The following CDC42SE2 variants were observed in gnomAD, a reference collection of about 807,000 sequenced individuals.
CDC42SE2 encodes CDC42 small effector 2.
CDC42SE2 carries 3 observed loss-of-function variants against 11.5 expected under a neutral mutation model. The observed-to-expected ratio is 0.26, with a 90% CI of 0.12 to 0.67. CDC42SE2 has a LOEUF of 0.67. Ranked by LOEUF, CDC42SE2 falls within the 30% of genes least tolerant of loss-of-function variation. The probability of loss-of-function intolerance (pLI) is 0.80; values close to 1 mark genes in which losing one functional copy is unlikely to be tolerated. For missense variants in CDC42SE2, 82 were observed against 106.8 expected, an observed-to-expected ratio of 0.77 and a Z score of 1.02; for synonymous variants, 33 against 34.8, an observed-to-expected ratio of 0.95 and a Z score of 0.18.
chr5:131,319,219 T>C (rs1580751515), intron 2 of CDC42SE2, among the ~76,000 whole-genome samples: 1 of 152,036 alleles, frequency 6.6e-6, no homozygotes, highest in Non-Finnish European at 1.5e-5. Flanking sequence ...ATATGACTTT[T>C]CCCCCCACCC....
At chr5:131,297,140 AT>A (rs1472873977) in intron 1 of CDC42SE2, among the ~76,000 whole-genome samples, 3 of 146,108 alleles carry the variant, frequency 2.1e-5, no homozygotes, top group Non-Finnish European at 4.5e-5. Context: ...ATGACTTCAG[AT>A]TAAATACTTT....
At chr5:131,318,927 A>T (rs1440303240) in intron 2 of CDC42SE2, among the ~76,000 whole-genome samples, 7 of 152,050 alleles carry the variant, frequency 4.6e-5, no homozygotes, top group Non-Finnish European at 1.0e-4. Context: ...TTTGAGACAG[A>T]GTCTCACTCT....
At chr5:131,237,322 T>C in the CDC42SE2 span, among the ~76,000 whole-genome samples, 2 of 152,238 alleles carry the variant, frequency 1.3e-5, no homozygotes, top group East Asian at 3.8e-4. Context: ...AATTCTATGC[T>C]GATGTTTGTT....
intron 1 of CDC42SE2, among the ~76,000 whole-genome samples, chr5:131,307,911 GTTGT>G (rs1316338881): frequency 1.3e-4 from 20 of 152,142 alleles, no homozygotes; most frequent in African/African-American, 4.3e-4. Flanking sequence ...TTTTGATGGG[GTTGT>G]TTGTTTTTTG....
intron 2 of CDC42SE2, among the ~76,000 whole-genome samples, chr5:131,323,226 A>G (rs1580753860): frequency 2.0e-5 from 3 of 149,144 alleles, no homozygotes; most frequent in East Asian, 3.9e-4. Context: ...GTGTCTCTCT[A>G]TGTTGCCCAG....
At chr5:131,287,713 A>G (rs1204772635) in intron 1 of CDC42SE2, among the ~76,000 whole-genome samples, 1 of 151,784 alleles carries the variant, frequency 6.6e-6, no homozygotes. Context: ...GGTTCCAGTG[A>G]TCCGCCCTCT....
rs1032211905 is a variant in CDC42SE2, at chr5:131,392,774, T to C, written c.*1683T>C. 5.9e-5 allele frequency: 9 copies of C among 152,350 alleles called. No homozygotes were observed. Among genetic ancestry groups the C allele is most frequent in the Non-Finnish European group, 1.2e-4 (8 of 68,044 alleles). 9.4% of individuals were successfully genotyped at this position (152,350 alleles called of 1,614,324 possible). On this transcript the variant is annotated 3_prime_UTR_variant, in exon 5 of 5. Coordinates refer to ENST00000505065, the MANE Select transcript of CDC42SE2 (RefSeq NM_001375635.1). ...TTCTTTTATTTTTACTTCTTTTTAA[T>C]GTTATGGTATCCAGTTGTTTCCAGT...
intron 1 of CDC42SE2, among the ~76,000 whole-genome samples, chr5:131,246,172 C>T (rs1430565410): frequency 2.6e-5 from 4 of 152,102 alleles, no homozygotes; most frequent in African/African-American, 9.7e-5. Flanking sequence ...ATAAAAAAAT[C>T]AGGCTGGGTG....
At chr5:131,277,444 C>T (rs183547572) in intron 1 of CDC42SE2, among the ~76,000 whole-genome samples, 3 of 152,362 alleles carry the variant, frequency 2.0e-5, no homozygotes, top group Middle Eastern at 3.4e-3. Flanking sequence ...ATTATGCCTT[C>T]ATTTATTCCA....
At chr5:131,264,867 A>G (rs544309234) in intron 1 of CDC42SE2, among the ~76,000 whole-genome samples, 116 of 152,354 alleles carry the variant, frequency 7.6e-4, no homozygotes, top group African/African-American at 2.6e-3. Context: ...TGTAAGAAAC[A>G]ACATTGGGGA....
intron 1 of CDC42SE2, among the ~76,000 whole-genome samples, chr5:131,289,787 A>G (rs1362619207): frequency 1.3e-5 from 2 of 151,790 alleles, no homozygotes; most frequent in Non-Finnish European, 2.9e-5. Context: ...TGCATTGGAG[A>G]TTTCTTGAGG....
At chr5:131,261,707 A>C (rs1756727781), upstream of CDC42SE2, 1 of 151,984 alleles carries the variant, frequency 6.6e-6, no homozygotes, top group Admixed American at 6.6e-5. Flanking sequence ...AAAATTAGCT[A>C]GGTGTAGTAG....
chr5:131,371,528 T>G (rs535649317), intron 3 of CDC42SE2, among the ~76,000 whole-genome samples: 1 of 152,386 alleles, frequency 6.6e-6, no homozygotes. Flanking sequence ...TATATGTGAT[T>G]TTGTTTTCTT....
At chr5:131,320,054 G>GAAAAAAA (rs763857152) in intron 2 of CDC42SE2, among the ~76,000 whole-genome samples, 4 of 62,772 alleles carry the variant, frequency 6.4e-5, no homozygotes, top group Admixed American at 1.8e-4. Flanking sequence ...CCGTCTTAAA[G>GAAAAAAA]AAAAAAAAAA....
At chr5:131,336,243 G>C (rs938363042) in intron 2 of CDC42SE2, among the ~76,000 whole-genome samples, 1 of 152,150 alleles carries the variant, frequency 6.6e-6, no homozygotes, top group Admixed American at 6.5e-5. Context: ...AGTTTGGCTG[G>C]ATATGAAATG....
chr5:131,324,867 G>A (rs1758264702), intron 2 of CDC42SE2, among the ~76,000 whole-genome samples: 1 of 152,080 alleles, frequency 6.6e-6, no homozygotes, highest in South Asian at 2.1e-4. Context: ...TTCAAAACAT[G>A]GGGTACGAAA....
At chr5:131,366,211 T>C (rs556987993) in intron 3 of CDC42SE2, among the ~76,000 whole-genome samples, 1 of 152,332 alleles carries the variant, frequency 6.6e-6, no homozygotes, top group Non-Finnish European at 1.5e-5. Flanking sequence ...ATTGTACCTC[T>C]TCAGCTCCTT....
chr5:131,387,287 G>A (rs1193267591), intron 4 of CDC42SE2, among the ~76,000 whole-genome samples: 3 of 152,086 alleles, frequency 2.0e-5, no homozygotes, highest in South Asian at 2.1e-4. Flanking sequence ...GGTGGCTCAC[G>A]CCTGTAATCC....
chr5:131,278,959 A>G (rs1246415865), intron 1 of CDC42SE2, among the ~76,000 whole-genome samples: 2 of 149,646 alleles, frequency 1.3e-5, no homozygotes, highest in Non-Finnish European at 3.0e-5. Context: ...TAATTTTTGT[A>G]TTTTTAGTAG....
Sources: gnomAD v4.1 joint callset for allele counts (sites outside exome capture counted in the v4.1 genomes callset) on GRCh38, gnomAD v4.1.1 for gene constraint, MANE v1.5 for transcripts, NCBI Gene and HGNC (gene_info 2026-07-23, HGNC 2026-07-21) for gene names.